The following GRID1 variants were observed in gnomAD, a reference collection of about 807,000 sequenced individuals.
The protein encoded by GRID1 is glutamate receptor ionotropic, delta-1.
Under a neutral mutation model 98.0 loss-of-function variants are expected in GRID1, and 28 were observed. The observed-to-expected ratio is 0.29, with a 90% CI of 0.21 to 0.39. The LOEUF (loss-of-function observed/expected upper bound fraction) is 0.39. Among genes scored for constraint, GRID1 ranks in the 10% least tolerant of loss-of-function variants. The pLI is 1.00. For missense variants in GRID1, 1,111 were observed against 1,340.5 expected, an observed-to-expected ratio of 0.83 and a Z score of 2.67; for synonymous variants, 553 against 538.5, an observed-to-expected ratio of 1.03 and a Z score of -0.37.
At chr10:86,178,374 G>C (rs1057439959) in intron 3 of GRID1, among the ~76,000 whole-genome samples, 1 of 152,176 alleles carries the variant, frequency 6.6e-6, no homozygotes, top group South Asian at 2.1e-4. Flanking sequence ...GGGAGGACAG[G>C]GGGAGAAGAA....
chr10:86,152,831 G>A (rs759393610), intron 3 of GRID1, among the ~76,000 whole-genome samples: 14 of 152,188 alleles, frequency 9.2e-5, no homozygotes, highest in Admixed American at 3.9e-4. Flanking sequence ...CCCCTCACCC[G>A]CCTGTGCCTT....
intron 4 of GRID1, among the ~76,000 whole-genome samples, chr10:86,134,613 T>C (rs919010385): frequency 2.0e-5 from 3 of 152,054 alleles, no homozygotes; most frequent in Non-Finnish European, 4.4e-5. Context: ...CCTGCTGACA[T>C]CCCAGCCTCA....
Position 86,178,117 on chromosome 10 carries a change from C to T in GRID1, c.520+28247G>A, listed in dbSNP as rs188989407. ...AGAAATCAGCTCCACTCCACAAAAACCAAATCTCCAAAGTCAGTTCCCCAA... is the reference window on the plus strand; with the variant it reads ...AGAAATCAGCTCCACTCCACAAAAATCAAATCTCCAAAGTCAGTTCCCCAA... On this transcript the variant is annotated intron_variant, in intron 3 of 15. Coordinates refer to ENST00000327946, the MANE Select transcript of GRID1 (RefSeq NM_017551.3). Among the ~76,000 whole-genome samples the T allele has an allele frequency of 5.1e-3, 782 of 152,284 alleles. 9 individuals are homozygous for T. The highest frequency in any genetic ancestry group is 0.017 in the African/African-American group (721 of 41,542).
rs1843253410 is a variant in GRID1 at position 85,869,243 on chromosome 10, T to C, written c.781-63A>G. On this transcript the variant is annotated intron_variant, in intron 5 of 15. Coordinates refer to ENST00000327946, the MANE Select transcript of GRID1 (RefSeq NM_017551.3). ...ATGAACTATCTCTGCAAGAGACCTA[T>C]CAGGAGGCATCTAGGCCAGCAGCCT... The C allele has an allele frequency of 9.1e-6, 13 of 1,427,156 alleles. No individual in the cohort carries two copies. The South Asian group carries it at 1.4e-4, about 15-fold the overall frequency. The allele number at this position is 1,427,156 out of a possible 1,614,324, so 88.4% of individuals were successfully genotyped here. A position where few individuals can be genotyped will look rare whatever the true frequency, so the allele number is the denominator to read the frequency against.
At chr10:85,760,538 A>T (rs1263956727) in intron 8 of GRID1, among the ~76,000 whole-genome samples, 1 of 152,192 alleles carries the variant, frequency 6.6e-6, no homozygotes, top group East Asian at 1.9e-4. Context: ...AAACTATAAC[A>T]ACTCAACAGA....
At chr10:85,880,743 A>T (rs1316991131) in intron 5 of GRID1, among the ~76,000 whole-genome samples, 44 of 152,206 alleles carry the variant, frequency 2.9e-4, no homozygotes, top group African/African-American at 8.9e-4. Flanking sequence ...CACCACTCCT[A>T]TTCAACATAG....
At chr10:85,762,009 G>C (rs1183873065) in intron 8 of GRID1, among the ~76,000 whole-genome samples, 1 of 152,180 alleles carries the variant, frequency 6.6e-6, no homozygotes, top group Non-Finnish European at 1.5e-5. Flanking sequence ...ACATTGAAAA[G>C]CCTTCCCAAA....
At chr10:86,173,976 T>C (rs548051852) in intron 3 of GRID1, among the ~76,000 whole-genome samples, 8 of 152,260 alleles carry the variant, frequency 5.3e-5, no homozygotes, top group Non-Finnish European at 8.8e-5. Context: ...TAGTCAATCA[T>C]TGTTGGACTT....
intron 4 of GRID1, among the ~76,000 whole-genome samples, chr10:85,992,460 T>C (rs933920973): frequency 6.6e-6 from 1 of 151,732 alleles, no homozygotes; most frequent in African/African-American, 2.4e-5. Context: ...TAAGAAGACA[T>C]GAAGATAAGG....
chr10:86,188,136 T>C (rs1035746744), intron 3 of GRID1, among the ~76,000 whole-genome samples: 2 of 152,210 alleles, frequency 1.3e-5, no homozygotes, highest in African/African-American at 4.8e-5. Context: ...GGCTCCTACA[T>C]GGACTGCAGC....
intron 12 of GRID1, among the ~76,000 whole-genome samples, chr10:85,650,807 A>G (rs1843258335): frequency 6.6e-6 from 1 of 152,242 alleles, no homozygotes; most frequent in Admixed American, 6.5e-5. Flanking sequence ...TTGGGTAATG[A>G]AAACACATGG....
chr10:86,169,944 G>A (rs1488526202), intron 3 of GRID1, among the ~76,000 whole-genome samples: 2 of 152,220 alleles, frequency 1.3e-5, no homozygotes, highest in East Asian at 3.9e-4. Flanking sequence ...GGAGCTCTCA[G>A]AGGCCAAGGC....
At chr10:86,202,774 C>A (rs890005919) in intron 3 of GRID1, among the ~76,000 whole-genome samples, 1 of 152,192 alleles carries the variant, frequency 6.6e-6, no homozygotes, top group African/African-American at 2.4e-5. Flanking sequence ...GCAGGACATT[C>A]CAGGGTTTAA....
chr10:85,898,720 T>C (rs965651008), intron 5 of GRID1, among the ~76,000 whole-genome samples: 6 of 152,198 alleles, frequency 3.9e-5, no homozygotes, highest in Non-Finnish European at 8.8e-5. Flanking sequence ...GGCAATAGCA[T>C]GCATGGAGCT....
chr10:85,884,642 T>C (rs1319808995), intron 5 of GRID1, among the ~76,000 whole-genome samples: 3 of 152,294 alleles, frequency 2.0e-5, no homozygotes, highest in East Asian at 3.9e-4. Context: ...TCTCCTACAA[T>C]CTAATAGGTT....
chr10:85,786,067 G>A (rs1286270224), intron 8 of GRID1, among the ~76,000 whole-genome samples: 1 of 151,948 alleles, frequency 6.6e-6, no homozygotes, highest in Non-Finnish European at 1.5e-5. Context: ...ACATACATAT[G>A]CACACACAAT....
rs138856409 is a variant in GRID1 at position 86,044,762 on chromosome 10, C to A, written c.726+94057G>T. ...CTTGCAGAAATCACACTTTTCTCTG[C>A]TAGAGGAGAAGCAATACCCTTTGTT... is the stretch of plus-strand genomic sequence containing the variant. On this transcript the variant is annotated intron_variant, in intron 4 of 15. Transcript: ENST00000327946. 2.6e-5 allele frequency among the ~76,000 whole-genome samples: 4 copies of A among 152,322 alleles called. No homozygotes were observed. The East Asian group carries it at 7.7e-4, about 29-fold the overall frequency.
At chr10:85,670,058 T>A (rs1841067640) in intron 12 of GRID1, among the ~76,000 whole-genome samples, 1 of 152,252 alleles carries the variant, frequency 6.6e-6, no homozygotes, top group South Asian at 2.1e-4. Context: ...CTTGACTTTT[T>A]TATTCAGAAA....
At chr10:86,062,381 G>A (rs921356732) in intron 4 of GRID1, among the ~76,000 whole-genome samples, 5 of 152,066 alleles carry the variant, frequency 3.3e-5, no homozygotes, top group African/African-American at 4.8e-5. Context: ...CAGAGCACCC[G>A]GAGCTCGGTC....
Sources: allele counts gnomAD v4.1 joint callset (sites outside exome capture counted in the v4.1 genomes callset), GRCh38; gene constraint gnomAD v4.1.1; transcripts MANE v1.5; gene names NCBI Gene and HGNC (gene_info 2026-07-23, HGNC 2026-07-21).